The following PDCD11 variants were observed in gnomAD, a reference collection of about 807,000 sequenced individuals.
PDCD11 encodes programmed cell death 11.
PDCD11 carries 97 observed loss-of-function variants against 198.9 expected under a neutral mutation model. The ratio of observed to expected loss-of-function variants is 0.49; its 90% CI spans 0.41 to 0.58. The LOEUF (loss-of-function observed/expected upper bound fraction) is 0.58, where lower values mean the gene tolerates loss of function less well. Ranked by LOEUF, PDCD11 falls within the 20% of genes least tolerant of loss-of-function variation. The pLI is 0.00. For missense variants in PDCD11, 2,102 were observed against 2,312.7 expected (o/e 0.91, Z 1.87); for synonymous variants, 893 against 918.0 (o/e 0.97, Z 0.49).
chr10:103,400,418 A>C lies in PDCD11; in HGVS notation c.124A>C (p.Thr42Pro), dbSNP rs2029956510. The C allele has an allele frequency of 1.2e-6, 2 of 1,613,436 alleles. No homozygotes were observed. Among genetic ancestry groups the C allele is most frequent in the African/African-American group, 1.3e-5 (1 of 74,902 alleles). The change falls in exon 3 of 36, where the codon ACC (threonine) becomes CCC (proline). Residue 42 changes from threonine to proline, a missense_variant. Coordinates refer to ENST00000369797, the MANE Select transcript of PDCD11 (RefSeq NM_014976.2). Reference protein sequence around the residue: ...LFDISTEEGSTKRKKSQKGPA... With the variant: ...LFDISTEEGSPKRKKSQKGPA... ...CTAGATTTCTACTGAAGAGGGATCC[A>C]CCAAAAGAAAAAAGAGCCAGAAGGG...
Position 103,437,998 on chromosome 10 carries a change from C to T in PDCD11, c.3846-17C>T, listed in dbSNP as rs1168808842. ...TGCTGAAAATTGAGCGTTTCCTTCT[C>T]TTTTGCCTTCATTCAGATGTTACAT... On this transcript the variant is annotated splice_polypyrimidine_tract_variant and intron_variant, in intron 25 of 35. Coordinates refer to ENST00000369797, the MANE Select transcript of PDCD11 (RefSeq NM_014976.2). 4 of 1,610,756 alleles carry T rather than the reference C, an allele frequency of 2.5e-6. No homozygotes were observed. In the African/African-American group the frequency reaches 4.0e-5, roughly 16 times the overall value.
At chr10:103,427,250 G>A (rs986336921) in intron 20 of PDCD11, 79 bp from the exon 21 acceptor site, 1 of 1,263,378 alleles carries the variant, frequency 7.9e-7, no homozygotes, top group East Asian at 2.3e-5. Context: ...GTTTGGTGGA[G>A]AGTAGGGAGA....
In PDCD11 at chr10:103,437,842, G is replaced by T. The variant is rs190156884; in HGVS notation, c.3846-173G>T. 2.6e-5 allele frequency among the ~76,000 whole-genome samples: 4 copies of T among 152,228 alleles called. No homozygotes were observed. The East Asian group carries it at 7.7e-4, about 29-fold the overall frequency. On this transcript the variant is annotated intron_variant, in intron 25 of 35. Coordinates refer to ENST00000369797, the MANE Select transcript of PDCD11 (RefSeq NM_014976.2). The stretch of plus-strand genomic sequence containing the variant: ...GTAAACTGAAGCCCACAGAGGTGAC[G>T]TGACTTGTCCAGAGTCCCTCAGCAG...
At chr10:103,396,978 T>TC (rs1486590740) in intron 1 of PDCD11, among the ~76,000 whole-genome samples, 1 of 152,096 alleles carries the variant, frequency 6.6e-6, no homozygotes, top group East Asian at 1.9e-4. Context: ...TGAAAGGAAA[T>TC]TAAGGGTGAA....
At chr10:103,443,843 T>A in intron 33 of PDCD11, 72 bp from the exon 34 acceptor site, 1 of 1,468,128 alleles carries the variant, frequency 6.8e-7, no homozygotes, top group Non-Finnish European at 9.4e-7. Context: ...TTCTTGTGAG[T>A]GTTGCTGCTT....
At chr10:103,422,962 C>T (rs755880531) in intron 17 of PDCD11, 26 bp from the exon 18 acceptor site, 4 of 1,469,510 alleles carry the variant, frequency 2.7e-6, no homozygotes, top group Non-Finnish European at 3.6e-6. Context: ...TGGTACTAAT[C>T]CGTGTTTCCT....
Position 103,421,393 on chromosome 10 carries a change from G to C in PDCD11, c.2323G>C (p.Glu775Gln). The part of the protein sequence containing the change: ...FVTSTSDHFV[E>Q]GQTVAAKVTN... ...GACCTCCACAAGTGACCACTTTGTT[G>C]AGGGCCAGACAGTAGCGGCAAAGGT... The change falls in exon 17 of 36, where the codon GAG becomes CAG. Residue 775 changes from glutamate to glutamine, a missense_variant. Transcript: ENST00000369797. The C allele has an allele frequency of 1.9e-6, 3 of 1,610,116 alleles. No homozygotes were observed. In the African/African-American group the frequency reaches 4.0e-5, roughly 21 times the overall value.
intron 3 of PDCD11, 125 bp from the exon 4 acceptor site, chr10:103,402,993 T>A (rs892780355): frequency 1.0e-4 from 92 of 888,046 alleles, no homozygotes; most frequent in Non-Finnish European, 7.6e-5. Context: ...AGTATTGGAA[T>A]TATAGGGCGT....
At chr10:103,433,271 G>T (rs2032010218) in intron 22 of PDCD11, among the ~76,000 whole-genome samples, 1 of 152,176 alleles carries the variant, frequency 6.6e-6, no homozygotes, top group Non-Finnish European at 1.5e-5. Context: ...GAGGTGGGCA[G>T]ATCACTTCAG....
intron 19 of PDCD11, among the ~76,000 whole-genome samples, chr10:103,423,906 G>A (rs902984323): frequency 6.6e-6 from 1 of 152,220 alleles, no homozygotes; most frequent in Non-Finnish European, 1.5e-5. Flanking sequence ...GTGTGCAGGA[G>A]TGGAGCTGGC....
intron 25 of PDCD11, among the ~76,000 whole-genome samples, chr10:103,437,277 G>A (rs2032190556): frequency 6.6e-6 from 1 of 152,084 alleles, no homozygotes; most frequent in Non-Finnish European, 1.5e-5. Context: ...AAGTGGCTGG[G>A]ACTACAGGTG....
chr10:103,403,390 G>A (rs1438289659), intron 4 of PDCD11, 105 bp downstream of exon 4: 12 of 1,047,180 alleles, frequency 1.1e-5, no homozygotes, highest in Non-Finnish European at 1.5e-5. Flanking sequence ...ACAAGGTCCC[G>A]TGAGAGTTTA....
At chr10:103,422,887 G>A in intron 17 of PDCD11, 101 bp from the exon 18 acceptor site, 1 of 1,112,206 alleles carries the variant, frequency 9.0e-7, no homozygotes. Context: ...AGTGGTTCCA[G>A]TGCTCCACTG....
Position 103,431,319 on chromosome 10 carries a change from C to T in PDCD11, c.3369-810C>T, listed in dbSNP as rs540107999. ...AAAAAGAAAATCAAAGGCTGAGTGCCGTGGCTGACATCCATAATCTCAGCA... is the reference window on the plus strand; with the variant it reads ...AAAAAGAAAATCAAAGGCTGAGTGCTGTGGCTGACATCCATAATCTCAGCA... On this transcript the variant is annotated intron_variant, in intron 21 of 35. Transcript: ENST00000369797. Among the ~76,000 whole-genome samples, 5 of 152,134 alleles carry T rather than the reference C, an allele frequency of 3.3e-5. No individual in the cohort carries two copies. The South Asian group carries it at 8.3e-4, about 25-fold the overall frequency.
intron 2 of PDCD11, among the ~76,000 whole-genome samples, chr10:103,399,488 G>C (rs959001123): frequency 1.3e-5 from 2 of 152,094 alleles, no homozygotes; most frequent in Non-Finnish European, 2.9e-5. Flanking sequence ...GGAACAACAG[G>C]CATGTTCCAC....
chr10:103,442,325 A>T lies in PDCD11; in HGVS notation c.4820A>T (p.Asp1607Val). 1 of 1,614,190 alleles carries T rather than the reference A, an allele frequency of 6.2e-7. No individual in the cohort carries two copies. The highest frequency in any genetic ancestry group is 8.5e-7 in the Non-Finnish European group (1 of 1,180,034). Residue 1607 changes from aspartate to valine, a missense_variant, in exon 32 of 36, where the codon GAT becomes GTT. Coordinates refer to ENST00000369797, the MANE Select transcript of PDCD11 (RefSeq NM_014976.2). ...GGGCGGCAGCCAGAGTCCGCGGATG[A>T]TTTTGACCGACTGGTGCTGAGCTCC... ...DPGRQPESADDFDRLVLSSPN... is the reference protein window; with the variant it reads ...DPGRQPESADVFDRLVLSSPN...
chr10:103,423,223 C>T, intron 18 of PDCD11, 86 bp downstream of exon 18: 2 of 1,348,820 alleles, frequency 1.5e-6, no homozygotes, highest in East Asian at 2.6e-5. Context: ...TTTCTAAATA[C>T]TTACGGTAGG....
At chr10:103,429,250 G>A (rs1045976321) in intron 21 of PDCD11, among the ~76,000 whole-genome samples, 5 of 152,094 alleles carry the variant, frequency 3.3e-5, no homozygotes, top group East Asian at 1.9e-4. Context: ...AGTCTTAAAC[G>A]GTGTCTCTGG....
At chr10:103,428,910 C>T (rs1010390857) in intron 21 of PDCD11, among the ~76,000 whole-genome samples, 3 of 152,190 alleles carry the variant, frequency 2.0e-5, no homozygotes, top group African/African-American at 7.2e-5. Flanking sequence ...GATGGCCAGA[C>T]ATCTTCCACT....
Sources: allele counts gnomAD v4.1 joint callset (sites outside exome capture counted in the v4.1 genomes callset), GRCh38; gene constraint gnomAD v4.1.1; transcripts MANE v1.5; gene names NCBI Gene and HGNC (gene_info 2026-07-23, HGNC 2026-07-21).